VEPH1: variants seen among roughly 807,000 people sequenced by gnomAD.
VEPH1 encodes the protein ventricular zone expressed PH domain containing 1.
A neutral mutation model predicts 85.2 loss-of-function variants in VEPH1; 80 were observed. That is an observed-to-expected ratio of 0.94 (90% CI 0.78 to 1.13). The LOEUF (loss-of-function observed/expected upper bound fraction) is 1.13. Ranked by LOEUF, VEPH1 falls within the 50% of genes most tolerant of loss-of-function variation. The probability of loss-of-function intolerance (pLI) is 0.00; values close to 1 mark genes in which losing one functional copy is unlikely to be tolerated. For missense variants in VEPH1, 955 were observed against 980.5 expected, an observed-to-expected ratio of 0.97 and a Z score of 0.35; for synonymous variants, 297 against 348.0, an observed-to-expected ratio of 0.85 and a Z score of 1.63.
Position 157,450,048 on chromosome 3 carries a change from C to CTTTTTT in VEPH1, c.529+10127_529+10132dup, listed in dbSNP as rs761761440. Among the ~76,000 whole-genome samples, 43 of 77,320 alleles carry CTTTTTT rather than the reference C, an allele frequency of 5.6e-4. 1 individual carries two copies. Among genetic ancestry groups the CTTTTTT allele is most frequent in the African/African-American group, 1.6e-3 (33 of 20,952 alleles). The allele number at this position is 77,320 out of a possible 152,430, so 50.7% of individuals were successfully genotyped here. A position where few individuals can be genotyped will look rare whatever the true frequency, so the allele number is the denominator to read the frequency against. ...CTTAAAATTGACTGGAGAATATTTA[C>CTTTTTT]TTTTTTTTTTTTTTTTTTTTTTTTT... On this transcript the variant is annotated intron_variant, in intron 4 of 13. Transcript: ENST00000362010.
chr3:157,493,272 G>A (rs377725120), intron 2 of VEPH1: 2 of 456,258 alleles, frequency 4.4e-6, no homozygotes, highest in Non-Finnish European at 8.8e-6. Context: ...CAATTTAGAC[G>A]ATCCCTTCCT....
chr3:157,381,280 T>C lies in VEPH1; in HGVS notation c.1003A>G (p.Thr335Ala), dbSNP rs773985894. ...CCCAAGATTGAGGAGAAGGTGTCGG[T>C]GATGCTTTTAATCTCCAGCAGGAGA... ...HILLLEIKSITDTFSSILGPQ... is the reference protein window; with the variant it reads ...HILLLEIKSIADTFSSILGPQ... Residue 335 changes from threonine (T) to alanine (A), a missense_variant, in exon 7 of 14, where the codon ACC becomes GCC. Transcript: ENST00000362010. 2 of 1,614,152 alleles carry C rather than the reference T, an allele frequency of 1.2e-6. No individual in the cohort carries two copies. Among genetic ancestry groups the C allele is most frequent in the Non-Finnish European group, 1.7e-6 (2 of 1,180,006 alleles).
At position 157,363,550 on chromosome 3, in the gene VEPH1, C is replaced by T; in HGVS notation, c.1549G>A (p.Asp517Asn). ...ACAGTTTCTGACAAATTCTCTGAGT[C>T]TATATGTATAATATTTGGGTATGAA... ...SVSYPNIIHI[D>N]SENLSETVKE... Residue 517 changes from aspartate (D) to asparagine (N), a missense_variant, in exon 9 of 14, where the codon GAC becomes AAC. Physicochemically the swap from Asp to Asn is conservative, Grantham distance 23. Transcript: ENST00000362010. The T allele has an allele frequency of 6.2e-7, 1 of 1,614,056 alleles. No individual in the cohort carries two copies. The highest frequency in any genetic ancestry group is 2.2e-5 in the East Asian group (1 of 44,884).
In VEPH1 at chr3:157,334,028, C is replaced by T. The variant is rs191706151; in HGVS notation, c.1736-16827G>A. On this transcript the variant is annotated intron_variant, in intron 9 of 13. Coordinates refer to ENST00000362010, the MANE Select transcript of VEPH1 (RefSeq NM_001167912.2). ...TATTTACCAGGAGGTTTATTATGTC[C>T]GATATGTTGGTGCAGGGTATATAGG... 1.7e-3 allele frequency among the ~76,000 whole-genome samples: 257 copies of T among 152,150 alleles called. 2 individuals carry two copies. The Middle Eastern group carries it at 0.017, about 10-fold the overall frequency.
chr3:157,262,811 A>G (rs1470724152), intron 13 of VEPH1, among the ~76,000 whole-genome samples: 1 of 152,200 alleles, frequency 6.6e-6, no homozygotes, highest in African/African-American at 2.4e-5. Context: ...CTTTTAGGGT[A>G]CACAGGATAA....
At chr3:157,369,180 G>GAAAAAAAACAAAACAAAAAA (rs1491132802) in intron 7 of VEPH1, among the ~76,000 whole-genome samples, 1 of 42,780 alleles carries the variant, frequency 2.3e-5, no homozygotes, top group East Asian at 1.4e-3. Context: ...AAAACCAAAT[G>GAAAAAAAACAAAACAAAAAA]AAAAAAAAAA....
In VEPH1 at chr3:157,464,411, A is replaced by G. The variant is rs527658615; in HGVS notation, c.355-4056T>C. Among the ~76,000 whole-genome samples, 23 of 152,326 alleles carry G rather than the reference A, an allele frequency of 1.5e-4. 2 individuals are homozygous for G. In the South Asian group the frequency reaches 4.6e-3, roughly 30 times the overall value. On this transcript the variant is annotated intron_variant, in intron 3 of 13. Coordinates refer to ENST00000362010, the MANE Select transcript of VEPH1 (RefSeq NM_001167912.2). ...ATGGCATGCATGCAGAGAAAGCCCT[A>G]TGATTACAGTTCTACAAACAAATGA...
At chr3:157,396,236 C>T (rs1730367410) in intron 6 of VEPH1, among the ~76,000 whole-genome samples, 2 of 152,190 alleles carry the variant, frequency 1.3e-5, no homozygotes, top group African/African-American at 4.8e-5. Flanking sequence ...CTTCCAGCTC[C>T]ATCCATGTTC....
chr3:157,409,827 AC>A (rs1731405152), intron 6 of VEPH1: 2 of 985,350 alleles, frequency 2.0e-6, no homozygotes, highest in Middle Eastern at 1.0e-3. Context: ...GGCCGTCTCT[AC>A]CCCCATGGCC....
chr3:157,495,133 T>G (rs915690924), intron 2 of VEPH1, 79 bp downstream of exon 2: 1 of 1,421,220 alleles, frequency 7.0e-7, no homozygotes, highest in Non-Finnish European at 9.7e-7. Context: ...TGCAAAGATC[T>G]TTCTGCCAGG....
At chr3:157,304,473 A>G (rs995539355) in intron 11 of VEPH1, among the ~76,000 whole-genome samples, 3 of 152,154 alleles carry the variant, frequency 2.0e-5, no homozygotes, top group African/African-American at 7.2e-5. Context: ...CCCTTTAGTA[A>G]TCCTTCAATC....
intron 4 of VEPH1, chr3:157,438,032 C>T: frequency 1.2e-6 from 1 of 802,626 alleles, no homozygotes; most frequent in African/African-American, 2.2e-5. Context: ...CGCGCGCGCG[C>T]GCGCGCACAC....
chr3:157,318,772 A>G (rs1721068683), intron 9 of VEPH1, among the ~76,000 whole-genome samples: 1 of 152,106 alleles, frequency 6.6e-6, no homozygotes, highest in Non-Finnish European at 1.5e-5. Context: ...AAAGCCAGGC[A>G]CAGTGGCACA....
At chr3:157,434,270 T>G (rs1733385055) in intron 4 of VEPH1, among the ~76,000 whole-genome samples, 1 of 152,190 alleles carries the variant, frequency 6.6e-6, no homozygotes, top group Non-Finnish European at 1.5e-5. Context: ...GCATAGCTTT[T>G]GTAAGTGATG....
intron 10 of VEPH1, among the ~76,000 whole-genome samples, chr3:157,316,657 A>G (rs1720784128): frequency 6.6e-6 from 1 of 152,004 alleles, no homozygotes; most frequent in Admixed American, 6.6e-5. Context: ...AAAAAGAGAC[A>G]TTCCAGTATC....
At position 157,313,735 on chromosome 3, in the gene VEPH1, CAG is replaced by C; in HGVS notation, c.1894_1895del (p.Leu632ValfsTer26). On this transcript the variant is annotated frameshift_variant, in exon 11 of 14. Coordinates refer to ENST00000362010, the MANE Select transcript of VEPH1 (RefSeq NM_001167912.2). LOFTEE classifies it high-confidence loss of function. ...LFQQSLFPEP[L>X]SIQSHSVQFL... ...ATTGCACAGAATGACTCTGAATGGA[CAG>C]GGGTTCAGGAAACAGGCTCTGAAAG... 2 of 1,614,070 alleles carry C rather than the reference CAG, an allele frequency of 1.2e-6. No individual in the cohort carries two copies. The highest frequency in any genetic ancestry group is 1.7e-6 in the Non-Finnish European group (2 of 1,180,008).
At chr3:157,445,745 C>T (rs995187796) in intron 4 of VEPH1, among the ~76,000 whole-genome samples, 14 of 152,022 alleles carry the variant, frequency 9.2e-5, no homozygotes, top group African/African-American at 3.4e-4. Flanking sequence ...GCCAAGATCG[C>T]ACCACTGCAC....
chr3:157,314,330 CAAAAAAAAAA>C (rs34703314), intron 10 of VEPH1, among the ~76,000 whole-genome samples: 44 of 43,198 alleles, frequency 1.0e-3, no homozygotes, highest in East Asian at 1.9e-3. Context: ...GAGGATCCGT[CAAAAAAAAAA>C]AAAAAAAAAA....
At chr3:157,378,434 C>T (rs1728403931) in intron 7 of VEPH1, among the ~76,000 whole-genome samples, 2 of 148,116 alleles carry the variant, frequency 1.4e-5, no homozygotes, top group Non-Finnish European at 3.0e-5. Context: ...TTTTGGTTGT[C>T]ACAATTGAAA....
Sources: allele counts gnomAD v4.1 joint callset (sites outside exome capture counted in the v4.1 genomes callset), GRCh38; gene constraint gnomAD v4.1.1; transcripts MANE v1.5; gene names NCBI Gene and HGNC (gene_info 2026-07-23, HGNC 2026-07-21).